The following RUNX2 variants were observed in gnomAD, a reference collection of about 807,000 sequenced individuals.
The protein encoded by RUNX2 is RUNX family transcription factor 2.
RUNX2 carries 10 observed loss-of-function variants against 51.7 expected under a neutral mutation model. The observed-to-expected ratio is 0.19, with a 90% CI of 0.12 to 0.33. RUNX2 has a LOEUF of 0.33. RUNX2 is among the 10% of genes least tolerant of loss of function. RUNX2 has a pLI of 1.00. For missense variants in RUNX2, 562 were observed against 691.3 expected, an observed-to-expected ratio of 0.81 and a Z score of 2.10; for synonymous variants, 276 against 273.6, an observed-to-expected ratio of 1.01 and a Z score of -0.09.
At chr6:45,526,714 T>C (rs556172535) in intron 7 of RUNX2, among the ~76,000 whole-genome samples, 9 of 152,344 alleles carry the variant, frequency 5.9e-5, no homozygotes, top group African/African-American at 1.9e-4. Flanking sequence ...ACTTTTTCTA[T>C]TGGCATATGG....
chr6:45,502,485 C>A (rs116040853), intron 6 of RUNX2, among the ~76,000 whole-genome samples: 2,187 of 152,208 alleles, frequency 0.014, 43 homozygotes, highest in African/African-American at 0.05. Flanking sequence ...GAGGTGGAGC[C>A]GGCCCAAATC....
chr6:45,361,877 C>T (rs1197967769), intron 2 of RUNX2, among the ~76,000 whole-genome samples: 1 of 152,080 alleles, frequency 6.6e-6, no homozygotes, highest in African/African-American at 2.4e-5. Flanking sequence ...ATGGTGAAAC[C>T]CCATCTCTAC....
chr6:45,336,613 T>C (rs1373468525), intron 2 of RUNX2, among the ~76,000 whole-genome samples: 4 of 151,468 alleles, frequency 2.6e-5, no homozygotes, highest in Admixed American at 1.3e-4. Context: ...ACTCTATATA[T>C]GTACAATAAA....
At chr6:45,518,128 C>G (rs1801389392) in intron 7 of RUNX2, among the ~76,000 whole-genome samples, 1 of 152,148 alleles carries the variant, frequency 6.6e-6, no homozygotes, top group Non-Finnish European at 1.5e-5. Flanking sequence ...AGAACCATTC[C>G]TTTCTTAAGA....
At chr6:45,378,032 C>T (rs998646992) in intron 2 of RUNX2, 1 of 152,004 alleles carries the variant, frequency 6.6e-6, no homozygotes, top group African/African-American at 2.4e-5. Context: ...ACGCCCCCCG[C>T]ACTGGCAGTG....
chr6:45,440,131 A>T (rs1798800167), intron 5 of RUNX2, among the ~76,000 whole-genome samples: 1 of 152,212 alleles, frequency 6.6e-6, no homozygotes, highest in African/African-American at 2.4e-5. Context: ...AATATCGGTG[A>T]AAATGCGGGG....
chr6:45,425,536 A>G (rs1314721861), intron 3 of RUNX2, among the ~76,000 whole-genome samples: 21 of 152,204 alleles, frequency 1.4e-4, no homozygotes, highest in Non-Finnish European at 8.8e-5. Context: ...CTACAACCTG[A>G]CTGTCAATGT....
At position 45,399,349 on chromosome 6, in the gene RUNX2, C is replaced by CTTTTTTTTTTTTTTTTTTTTTT. The variant is rs398048486; in HGVS notation, c.59-23237_59-23216dup. Among the ~76,000 whole-genome samples the CTTTTTTTTTTTTTTTTTTTTTT allele has an allele frequency of 1.0e-4, 6 of 57,346 alleles. 1 individual carries two copies. Among genetic ancestry groups the CTTTTTTTTTTTTTTTTTTTTTT allele is most frequent in the Non-Finnish European group, 1.7e-4 (5 of 29,036 alleles). 37.6% of individuals were successfully genotyped at this position (57,346 alleles called of 152,430 possible). On this transcript the variant is annotated intron_variant, in intron 2 of 8. Transcript: ENST00000647337. Reference sequence around the variant, plus strand: ...CTTTCTCATTTCTTTCTTTTCTTTCCTTTTTTTTTTTTTTTTTTTTTTTTT... The same window carrying CTTTTTTTTTTTTTTTTTTTTTT: ...CTTTCTCATTTCTTTCTTTTCTTTCCTTTTTTTTTTTTTTTTTTTTTTTTTTTTTTTTTTTTTTTTTTTTTTT...
At chr6:45,375,121 C>T (rs1796600508) in intron 2 of RUNX2, among the ~76,000 whole-genome samples, 1 of 152,164 alleles carries the variant, frequency 6.6e-6, no homozygotes, top group Non-Finnish European at 1.5e-5. Flanking sequence ...GCAGGAGAAT[C>T]GCTTGAACCC....
chr6:45,538,660 C>G (rs1174216698), intron 7 of RUNX2, among the ~76,000 whole-genome samples: 2 of 151,058 alleles, frequency 1.3e-5, no homozygotes, highest in African/African-American at 2.4e-5. Context: ...TTTTTTCCTC[C>G]TTTTTTCCTT....
intron 2 of RUNX2, among the ~76,000 whole-genome samples, chr6:45,342,894 C>T (rs1790101573): frequency 6.6e-6 from 1 of 152,042 alleles, no homozygotes; most frequent in East Asian, 1.9e-4. Context: ...TCATGAAAAC[C>T]ATAGAATGTC....
chr6:45,511,416 T>C (rs1801141303), intron 6 of RUNX2, among the ~76,000 whole-genome samples: 1 of 152,188 alleles, frequency 6.6e-6, no homozygotes, highest in Non-Finnish European at 1.5e-5. Context: ...TTAAAAACAT[T>C]TCCCCGTTCT....
chr6:45,449,357 A>G lies in RUNX2; in HGVS notation c.685+11306A>G, dbSNP rs115573750. Among the ~76,000 whole-genome samples the G allele has an allele frequency of 1.7e-3, 256 of 152,358 alleles. 1 individual carries two copies. Among genetic ancestry groups the G allele is most frequent in the African/African-American group, 5.7e-3 (237 of 41,594 alleles). Reference sequence around the variant, plus strand: ...AGTAATTATGTAGCGCCTTTCTGCCAAGGAGTTCCAAATGCTTAGACATTA... The same window carrying G: ...AGTAATTATGTAGCGCCTTTCTGCCGAGGAGTTCCAAATGCTTAGACATTA... On this transcript the variant is annotated intron_variant, in intron 5 of 8. Transcript: ENST00000647337.
At chr6:45,398,047 G>A (rs1194737462) in intron 2 of RUNX2, among the ~76,000 whole-genome samples, 2 of 152,144 alleles carry the variant, frequency 1.3e-5, no homozygotes, top group Non-Finnish European at 2.9e-5. Context: ...TTCTCCTTAG[G>A]ACTTTGCCAG....
chr6:45,508,724 A>T (rs1801054989), intron 6 of RUNX2, among the ~76,000 whole-genome samples: 1 of 152,244 alleles, frequency 6.6e-6, no homozygotes, highest in Non-Finnish European at 1.5e-5. Flanking sequence ...CTCCACTAAA[A>T]GCAAAACTAT....
chr6:45,458,414 C>G (rs932784712), intron 5 of RUNX2, among the ~76,000 whole-genome samples: 1 of 152,134 alleles, frequency 6.6e-6, no homozygotes, highest in African/African-American at 2.4e-5. Flanking sequence ...GATGAAACTA[C>G]CTAGAGTCTG....
chr6:45,451,657 T>C (rs746021317), intron 5 of RUNX2, among the ~76,000 whole-genome samples: 23 of 152,200 alleles, frequency 1.5e-4, no homozygotes, highest in Non-Finnish European at 2.9e-4. Context: ...AGCTGTTTTG[T>C]TTCTGGCAAG....
At chr6:45,381,979 C>G (rs139682499) in intron 2 of RUNX2, among the ~76,000 whole-genome samples, 17 of 152,288 alleles carry the variant, frequency 1.1e-4, no homozygotes, top group African/African-American at 4.1e-4. Flanking sequence ...TTGTAGATTT[C>G]ACAGTCCAGT....
At chr6:45,435,896 C>T (rs1247032291) in intron 4 of RUNX2, among the ~76,000 whole-genome samples, 1 of 152,130 alleles carries the variant, frequency 6.6e-6, no homozygotes, top group South Asian at 2.1e-4. Context: ...TTACTTTTTG[C>T]GATCTTTCCA....
Sources: gnomAD v4.1 joint callset for allele counts (sites outside exome capture counted in the v4.1 genomes callset) on GRCh38, gnomAD v4.1.1 for gene constraint, MANE v1.5 for transcripts, NCBI Gene and HGNC (gene_info 2026-07-23, HGNC 2026-07-21) for gene names.